SNRPD1: variants seen among roughly 807,000 people sequenced by gnomAD.
SNRPD1 encodes small nuclear ribonucleoprotein Sm D1.
In SNRPD1, 1 loss-of-function variant was observed where a neutral mutation model predicts 14.4. That is an observed-to-expected ratio of 0.07 (90% CI 0.02 to 0.33). The LOEUF is 0.33. SNRPD1 is among the 10% of genes least tolerant of loss of function. The probability of loss-of-function intolerance (pLI) is 1.00; values close to 1 mark genes in which losing one functional copy is unlikely to be tolerated. For synonymous variants in SNRPD1, 42 were observed against 50.3 expected (o/e 0.83, Z 0.70); for missense variants, 52 against 146.4 (o/e 0.36, Z 3.33).
rs749199861 is a variant in SNRPD1 at position 21,622,751 on chromosome 18, C to G, written c.41C>G (p.Thr14Ser). 1 of 1,571,972 alleles carries G rather than the reference C, an allele frequency of 6.4e-7. No individual in the cohort carries two copies. The highest frequency in any genetic ancestry group is 8.8e-7 in the Non-Finnish European group (1 of 1,141,918). ...TTTTTGATGAAATTGAGTCATGAAA[C>G]TGTAACCATTGAATTGAAGAACGGA... Reference protein sequence around the residue: ...VRFLMKLSHETVTIELKNGTQ... With the variant: ...VRFLMKLSHESVTIELKNGTQ... Residue 14 changes from threonine (T) to serine (S), a missense_variant, in exon 2 of 4, where the codon ACT becomes AGT. Thr to Ser is a moderately conservative substitution (Grantham distance 58). Coordinates refer to ENST00000300413, the MANE Select transcript of SNRPD1 (RefSeq NM_006938.4).
At position 21,630,288 on chromosome 18, in the gene SNRPD1, G is replaced by T. The variant is rs1036103569; in HGVS notation, c.*1150G>T. The T allele has an allele frequency of 4.9e-4, 74 of 152,226 alleles. No individual in the cohort carries two copies. The highest frequency in any genetic ancestry group is 1.8e-3 in the African/African-American group (73 of 41,552). 9.4% of individuals were successfully genotyped at this position (152,226 alleles called of 1,614,324 possible). On this transcript the variant is annotated 3_prime_UTR_variant, in exon 4 of 4. Transcript: ENST00000300413. ...ATAAGGACTTTTAAAAATTGTTTTT[G>T]ATTTGCTAAGCTCAGAAAAAATGTC...
In SNRPD1 at chr18:21,633,391, A is replaced by G. The variant is rs2039100003; in HGVS notation, c.*4253A>G. On this transcript the variant is annotated 3_prime_UTR_variant, in exon 4 of 4. Coordinates refer to ENST00000300413, the MANE Select transcript of SNRPD1 (RefSeq NM_006938.4). ...AAGACTTAACCTAGAAAATAACTCC[A>G]TAACAAGAAGAATCTCTGTCATAAT... The G allele has an allele frequency of 6.6e-6, 1 of 152,224 alleles. No individual in the cohort carries two copies. The highest frequency in any genetic ancestry group is 1.5e-5 in the Non-Finnish European group (1 of 68,046). 9.4% of individuals were successfully genotyped at this position (152,224 alleles called of 1,614,324 possible). A position where few individuals can be genotyped will look rare whatever the true frequency, so the allele number is the denominator to read the frequency against.
intron 1 of SNRPD1, 119 bp from the exon 2 acceptor site, chr18:21,622,606 T>C (rs559669315): frequency 9.9e-6 from 6 of 605,438 alleles, no homozygotes; most frequent in African/African-American, 7.5e-5. Flanking sequence ...AGATTATTGA[T>C]AGGAATTGAT....
At chr18:21,626,120 C>T (rs1276543816) in intron 3 of SNRPD1, among the ~76,000 whole-genome samples, 2 of 151,614 alleles carry the variant, frequency 1.3e-5, no homozygotes, top group Non-Finnish European at 2.9e-5. Context: ...TGGCCAGGTG[C>T]GGTGGCTCAT....
At chr18:21,612,765 C>A (rs2038928768) in intron 1 of SNRPD1, among the ~76,000 whole-genome samples, 1 of 152,270 alleles carries the variant, frequency 6.6e-6, no homozygotes, top group South Asian at 2.1e-4. Flanking sequence ...GAGTGGAACT[C>A]CCCAGTCCTG....
At position 21,612,367 on chromosome 18, in the gene SNRPD1, G is replaced by T. The variant is rs2038924479; in HGVS notation, c.-63G>T. ...GCTTCCGGCCATTCATACTGCAGTC[G>T]GTCAGTGTTCGGTTGAAGGATTCTG... is the stretch of plus-strand genomic sequence containing the variant. On this transcript the variant is annotated 5_prime_UTR_variant, in exon 1 of 4. Transcript: ENST00000300413. 1.5e-6 allele frequency: 2 copies of T among 1,367,842 alleles called. No homozygotes were observed. Among genetic ancestry groups the T allele is most frequent in the Non-Finnish European group, 2.0e-6 (2 of 1,008,558 alleles). The allele number at this position is 1,367,842 out of a possible 1,614,324, so 84.7% of individuals were successfully genotyped here. A position where few individuals can be genotyped will look rare whatever the true frequency, so the allele number is the denominator to read the frequency against.
At position 21,613,611 on chromosome 18, in the gene SNRPD1, C is replaced by T. The variant is rs1345404511; in HGVS notation, c.14+1168C>T. On this transcript the variant is annotated intron_variant, in intron 1 of 3. Coordinates refer to ENST00000300413, the MANE Select transcript of SNRPD1 (RefSeq NM_006938.4). ...GTGGCTCACGTCTGTAATCCCAGCA[C>T]TTTGGGAGGCCAAGGCGGGTGGATC... Among the ~76,000 whole-genome samples the T allele has an allele frequency of 1.5e-3, 225 of 152,218 alleles. 2 individuals are homozygous for T. The highest frequency in any genetic ancestry group is 5.0e-4 in the Non-Finnish European group (34 of 68,018).
chr18:21,613,211 C>T (rs938031244), intron 1 of SNRPD1, among the ~76,000 whole-genome samples: 28 of 152,160 alleles, frequency 1.8e-4, no homozygotes, highest in African/African-American at 6.0e-4. Flanking sequence ...TTAGGTGAGT[C>T]TTCTGAAAAC....
intron 1 of SNRPD1, among the ~76,000 whole-genome samples, chr18:21,613,847 T>G (rs1013255461): frequency 2.3e-5 from 2 of 86,750 alleles, no homozygotes; most frequent in African/African-American, 5.4e-5. Flanking sequence ...AGAGCGAGAC[T>G]CCATCTCAAA....
At chr18:21,612,865 CA>C (rs903163904) in intron 1 of SNRPD1, among the ~76,000 whole-genome samples, 3 of 152,184 alleles carry the variant, frequency 2.0e-5, no homozygotes, top group African/African-American at 7.2e-5. Flanking sequence ...TCCGGCTTCA[CA>C]AGTTTTTGTT....
chr18:21,628,612 G>A (rs2039057749), intron 3 of SNRPD1, among the ~76,000 whole-genome samples: 1 of 152,128 alleles, frequency 6.6e-6, no homozygotes, highest in Non-Finnish European at 1.5e-5. Context: ...GTGATTTGAT[G>A]TAATACATTT....
rs2039093948 is a variant in SNRPD1 at position 21,632,820 on chromosome 18, A to C, written c.*3682A>C. 6.6e-6 allele frequency: 1 copy of C among 152,368 alleles called. No homozygotes were observed. Among genetic ancestry groups the C allele is most frequent in the Non-Finnish European group, 1.4e-5 (1 of 69,786 alleles). 9.4% of individuals were successfully genotyped at this position (152,368 alleles called of 1,614,324 possible). On this transcript the variant is annotated 3_prime_UTR_variant, in exon 4 of 4. Transcript: ENST00000300413. ...TAATGAGATGTTACATATGAACTTT[A>C]GTTTTTTTTCTTTTCTTTTCTTTTC... is the stretch of plus-strand genomic sequence containing the variant.
At chr18:21,623,023 G>T (rs2039010001) in intron 2 of SNRPD1, among the ~76,000 whole-genome samples, 1 of 151,462 alleles carries the variant, frequency 6.6e-6, no homozygotes, top group Admixed American at 6.6e-5. Context: ...GCCGCCTGGG[G>T]TCAAGCAATT....
At chr18:21,626,060 A>G (rs1170443499) in intron 3 of SNRPD1, among the ~76,000 whole-genome samples, 2 of 151,684 alleles carry the variant, frequency 1.3e-5, no homozygotes, top group Admixed American at 1.3e-4. Context: ...CTAGACTTAC[A>G]GTTTTTGTGT....
At chr18:21,625,786 A>G (rs1426994028) in intron 3 of SNRPD1, among the ~76,000 whole-genome samples, 1 of 151,534 alleles carries the variant, frequency 6.6e-6, no homozygotes, top group African/African-American at 2.4e-5. Context: ...AATTTTTTGT[A>G]TTTTTAGTAG....
intron 1 of SNRPD1, among the ~76,000 whole-genome samples, chr18:21,618,212 C>G (rs1346570244): frequency 6.6e-6 from 1 of 151,908 alleles, no homozygotes; most frequent in Non-Finnish European, 1.5e-5. Flanking sequence ...TGCTTGAGCT[C>G]AGGAGTTTAA....
chr18:21,612,548 G>C, intron 1 of SNRPD1, 105 bp downstream of exon 1: 1 of 858,528 alleles, frequency 1.2e-6, no homozygotes, highest in Non-Finnish European at 1.7e-6. Flanking sequence ...AGCCGCGTGT[G>C]CGCGGCCTGC....
At chr18:21,613,516 G>A (rs149880013) in intron 1 of SNRPD1, among the ~76,000 whole-genome samples, 54 of 152,244 alleles carry the variant, frequency 3.5e-4, no homozygotes, top group Non-Finnish European at 6.3e-4. Context: ...AACGTCTGAA[G>A]TAACGTTTGT....
intron 1 of SNRPD1, among the ~76,000 whole-genome samples, chr18:21,614,317 A>G (rs1204374890): frequency 6.6e-6 from 1 of 152,180 alleles, no homozygotes. Context: ...GCCAATCTGA[A>G]TCTTAATCCA....
Sources: gnomAD v4.1 joint callset for allele counts (sites outside exome capture counted in the v4.1 genomes callset) on GRCh38, gnomAD v4.1.1 for gene constraint, MANE v1.5 for transcripts, NCBI Gene and HGNC (gene_info 2026-07-23, HGNC 2026-07-21) for gene names.